The following KANSL3 variants were observed in gnomAD, a reference collection of about 807,000 sequenced individuals.
KANSL3 encodes the protein KAT8 regulatory NSL complex subunit 3.
KANSL3 carries 16 observed loss-of-function variants against 89.2 expected under a neutral mutation model. The ratio of observed to expected loss-of-function variants is 0.18; its 90% CI spans 0.12 to 0.27. KANSL3 has a LOEUF of 0.27. KANSL3 is among the 10% of genes least tolerant of loss of function. KANSL3 has a pLI of 1.00. For missense variants in KANSL3, 879 were observed against 1,110.6 expected (o/e 0.79, Z 2.96); for synonymous variants, 385 against 419.7 (o/e 0.92, Z 1.01).
At chr2:96,624,069 T>C (rs2071835824) in intron 3 of KANSL3, among the ~76,000 whole-genome samples, 1 of 152,244 alleles carries the variant, frequency 6.6e-6, no homozygotes, top group Non-Finnish European at 1.5e-5. Context: ...CCAGTTTTTG[T>C]GGTTTGATAT....
rs2073404421 is a variant in KANSL3, at chr2:96,631,618, T to C, written c.216-136A>G. 3 of 1,067,864 alleles carry C rather than the reference T, an allele frequency of 2.8e-6. No individual in the cohort carries two copies. The African/African-American group carries it at 4.7e-5, about 17-fold the overall frequency. 66.1% of individuals were successfully genotyped at this position (1,067,864 alleles called of 1,614,324 possible). ...TAAGCACATTATATTCACAAGAAAA[T>C]TTTGATCCAAAGTCATCTTTCCCAC... On this transcript the variant is annotated intron_variant, in intron 2 of 20. Coordinates refer to ENST00000431828, the MANE Select transcript of KANSL3 (RefSeq NM_001115016.3).
chr2:96,611,388 G>A (rs1558701684), intron 9 of KANSL3, among the ~76,000 whole-genome samples: 1 of 152,174 alleles, frequency 6.6e-6, no homozygotes, highest in East Asian at 1.9e-4. Flanking sequence ...TGAACCATAG[G>A]ATAGAAGGTT....
At chr2:96,631,591 C>T (rs1190011420) in intron 2 of KANSL3, 109 bp from the exon 3 acceptor site, 1 of 1,280,624 alleles carries the variant, frequency 7.8e-7, no homozygotes. Context: ...TTAAATTACG[C>T]ATAAGCACAT....
the KANSL3 span, among the ~76,000 whole-genome samples, chr2:96,582,805 T>C: frequency 6.6e-6 from 1 of 152,282 alleles, no homozygotes; most frequent in African/African-American, 2.4e-5. Context: ...TTCATGCTAA[T>C]AGGCAGGTAA....
intron 6 of KANSL3, 94 bp downstream of exon 6, chr2:96,613,394 A>T: frequency 3.2e-6 from 3 of 945,714 alleles, no homozygotes; most frequent in Non-Finnish European, 4.7e-6. Context: ...AATAATAAAT[A>T]GTTAAAGAAG....
chr2:96,600,270 T>A (rs2066994650), intron 20 of KANSL3: 1 of 244,212 alleles, frequency 4.1e-6, no homozygotes, highest in Non-Finnish European at 6.6e-6. Flanking sequence ...TTTGAATGGA[T>A]CCATATCAGG....
chr2:96,595,617 T>C lies in KANSL3; in HGVS notation c.2631A>G (p.Ala877=). 1 of 1,613,734 alleles carries C rather than the reference T, an allele frequency of 6.2e-7. No individual in the cohort carries two copies. The highest frequency in any genetic ancestry group is 1.1e-5 in the South Asian group (1 of 90,998). The change falls in exon 21 of 21, where the codon GCA becomes GCG. Residue 877 remains alanine, a synonymous_variant. Transcript: ENST00000431828. ...GACATATCACACAGCATCTTCAGGG[T>C]GCTGGAGGCAGGCGCTGTGGCAGGA... The part of the protein sequence containing the change: ...LPSSSQRLPP[A]P
intron 20 of KANSL3, 126 bp from the exon 21 acceptor site, chr2:96,595,757 G>A: frequency 9.0e-7 from 1 of 1,107,650 alleles, no homozygotes; most frequent in Non-Finnish European, 1.3e-6. Context: ...CAATAGGAAA[G>A]AAGTTGGATA....
At position 96,608,550 on chromosome 2, in the gene KANSL3, C is replaced by T; in HGVS notation, c.1699G>A (p.Val567Met). Reference sequence around the variant, plus strand: ...GTCAGCACAGCTTCTGTCCGCTGCACATGTCTCTTCAGCAGCTGAGAACTT... The same window carrying T: ...GTCAGCACAGCTTCTGTCCGCTGCATATGTCTCTTCAGCAGCTGAGAACTT... The part of the protein sequence containing the change: ...IGSSQLLKRH[V>M]QRTEAVLTHK... Residue 567 changes from valine to methionine, a missense_variant, in exon 14 of 21, where the codon GTG (valine) becomes ATG (methionine). Physicochemically the swap from Val to Met is conservative, Grantham distance 21. Around this residue, in one of 6 missense-constraint regions of KANSL3, gnomAD observed 317 missense variants for 311.2 expected, o/e 1.02. Transcript: ENST00000431828. 6.2e-7 allele frequency: 1 copy of T among 1,614,050 alleles called. No homozygotes were observed. The highest frequency in any genetic ancestry group is 8.5e-7 in the Non-Finnish European group (1 of 1,179,902).
intron 20 of KANSL3, among the ~76,000 whole-genome samples, chr2:96,596,432 T>C (rs539212501): frequency 2.6e-5 from 4 of 152,338 alleles, no homozygotes; most frequent in African/African-American, 9.6e-5. Context: ...GCATGCCTTA[T>C]AGGCCCAGCT....
At chr2:96,582,402 A>C in the KANSL3 span, among the ~76,000 whole-genome samples, 2 of 152,286 alleles carry the variant, frequency 1.3e-5, no homozygotes, top group South Asian at 4.1e-4. Context: ...TGTCTCAAAA[A>C]AAAAAAAGAA....
At chr2:96,595,975 GT>G (rs2066491612) in intron 20 of KANSL3, among the ~76,000 whole-genome samples, 1 of 152,156 alleles carries the variant, frequency 6.6e-6, no homozygotes, top group African/African-American at 2.4e-5. Context: ...AGTTTAATCT[GT>G]GCTCAACAAC....
At chr2:96,613,025 C>A in intron 6 of KANSL3, 91 bp from the exon 7 acceptor site, 2 of 806,776 alleles carry the variant, frequency 2.5e-6, no homozygotes, top group South Asian at 1.5e-5. Flanking sequence ...TCATCCCAAC[C>A]AATGCTCCTT....
At chr2:96,606,927 G>A (rs1354395755) in intron 14 of KANSL3, 1 of 1,102,220 alleles carries the variant, frequency 9.1e-7, no homozygotes, top group Admixed American at 2.3e-5. Context: ...GGGTTGAGGA[G>A]CAGAATGTAG....
chr2:96,630,450 A>T (rs1435200660), intron 3 of KANSL3, among the ~76,000 whole-genome samples: 1 of 152,260 alleles, frequency 6.6e-6, no homozygotes, highest in East Asian at 1.9e-4. Flanking sequence ...GATTCCATTT[A>T]TATGAAATGT....
Position 96,602,210 on chromosome 2 carries a change from C to T in KANSL3, c.2388G>A (p.Lys796=), listed in dbSNP as rs1412740206. 1 of 1,608,930 alleles carries T rather than the reference C, an allele frequency of 6.2e-7. No homozygotes were observed. Among genetic ancestry groups the T allele is most frequent in the Non-Finnish European group, 8.5e-7 (1 of 1,177,878 alleles). The change falls in exon 19 of 21, where the codon AAG becomes AAA. Residue 796 remains lysine, a synonymous_variant. Transcript: ENST00000431828. ...TCAGCAGCTGGTGGATGGCTGTGGG[C>T]TTCCCACCAGGAGTGGCACCCAAGG... ...LSSLGATPGG[K]PTAIHQLLTN...
At chr2:96,623,592 A>C (rs958016791) in intron 3 of KANSL3, among the ~76,000 whole-genome samples, 2 of 152,182 alleles carry the variant, frequency 1.3e-5, no homozygotes, top group Admixed American at 6.5e-5. Flanking sequence ...TCCTTCTGTA[A>C]AATAAAATCT....
intron 5 of KANSL3, among the ~76,000 whole-genome samples, chr2:96,614,026 G>A (rs189284724): frequency 1.8e-4 from 28 of 152,340 alleles, no homozygotes; most frequent in Non-Finnish European, 2.9e-4. Flanking sequence ...ATGTGCATAT[G>A]TAAGGGAGTA....
At chr2:96,630,464 G>A (rs2073180623) in intron 3 of KANSL3, among the ~76,000 whole-genome samples, 1 of 152,210 alleles carries the variant, frequency 6.6e-6, no homozygotes, top group Non-Finnish European at 1.5e-5. Flanking sequence ...GAAATGTCCA[G>A]AATAGGCAAA....
Sources: allele counts gnomAD v4.1 joint callset (sites outside exome capture counted in the v4.1 genomes callset), GRCh38; gene constraint gnomAD v4.1.1; regional missense constraint gnomAD v4.1.1; transcripts MANE v1.5; gene names NCBI Gene and HGNC (gene_info 2026-07-23, HGNC 2026-07-21).